TMEM232: variants seen among roughly 807,000 people sequenced by gnomAD.
TMEM232 encodes the protein transmembrane protein 232.
In TMEM232, 80 loss-of-function variants were observed where a neutral mutation model predicts 78.8. That is an observed-to-expected ratio of 1.01 (90% CI 0.85 to 1.22). The LOEUF (loss-of-function observed/expected upper bound fraction) is 1.22. Among genes scored for constraint, TMEM232 ranks in the 50% most tolerant of loss-of-function variants. The pLI is 0.00. For missense variants in TMEM232, 881 were observed against 742.2 expected (o/e 1.19, Z -2.17); for synonymous variants, 297 against 254.3 (o/e 1.17, Z -1.60).
chr5:110,528,844 A>G lies in TMEM232; in HGVS notation c.1456-9T>C, dbSNP rs1254776496. On this transcript the variant is annotated splice_polypyrimidine_tract_variant and intron_variant, in intron 11 of 13. Coordinates refer to ENST00000455884, the MANE Select transcript of TMEM232 (RefSeq NM_001039763.4). ...GGGTCATTTAACTCAGCCTGTTGAA[A>G]GAAAAGAGAAAGGAATCAGTTGAAA... 3 of 1,414,030 alleles carry G rather than the reference A, an allele frequency of 2.1e-6. No homozygotes were observed. The South Asian group carries it at 5.1e-5, about 24-fold the overall frequency. The allele number at this position is 1,414,030 out of a possible 1,614,324, so 87.6% of individuals were successfully genotyped here. A position where few individuals can be genotyped will look rare whatever the true frequency, so the allele number is the denominator to read the frequency against.
intron 1 of TMEM232, among the ~76,000 whole-genome samples, chr5:110,693,515 G>A (rs576322921): frequency 6.6e-6 from 1 of 152,302 alleles, no homozygotes; most frequent in South Asian, 2.1e-4. Context: ...TGAGCTAAAG[G>A]AGGAAGTTCC....
At chr5:110,437,466 T>C (rs541884748) in intron 12 of TMEM232, among the ~76,000 whole-genome samples, 2 of 152,178 alleles carry the variant, frequency 1.3e-5, no homozygotes, top group East Asian at 3.9e-4. Context: ...AGATAGTTGT[T>C]CCTTCTGTAA....
chr5:110,503,280 T>C (rs1333251934), intron 12 of TMEM232, among the ~76,000 whole-genome samples: 2 of 152,194 alleles, frequency 1.3e-5, no homozygotes, highest in African/African-American at 4.8e-5. Flanking sequence ...ACTACATGAT[T>C]GTCTGACAGA....
intron 1 of TMEM232, among the ~76,000 whole-genome samples, chr5:110,692,672 G>A (rs780224023): frequency 6.6e-6 from 1 of 152,216 alleles, no homozygotes; most frequent in Non-Finnish European, 1.5e-5. Flanking sequence ...CTGGCGCAGA[G>A]GGTCTTACAC....
At chr5:110,652,637 A>C (rs1278183501) in intron 2 of TMEM232, among the ~76,000 whole-genome samples, 1 of 152,200 alleles carries the variant, frequency 6.6e-6, no homozygotes, top group African/African-American at 2.4e-5. Context: ...ATGTTAATAA[A>C]TATTTAGTGA....
At chr5:110,466,103 G>A (rs1249202737) in intron 12 of TMEM232, among the ~76,000 whole-genome samples, 3 of 152,086 alleles carry the variant, frequency 2.0e-5, no homozygotes, top group Admixed American at 6.6e-5. Context: ...GGATAGAAAG[G>A]CATTTATGGA....
chr5:110,403,010 CAACAAGA>C (rs1401581449), intron 2 of TMEM232, among the ~76,000 whole-genome samples: 1 of 151,980 alleles, frequency 6.6e-6, no homozygotes, highest in African/African-American at 2.4e-5. Flanking sequence ...AAAAATAAGA[CAACAAGA>C]AATAAGAAAC....
At chr5:110,606,713 T>A (rs969097337) in intron 8 of TMEM232, among the ~76,000 whole-genome samples, 2 of 152,016 alleles carry the variant, frequency 1.3e-5, no homozygotes, top group African/African-American at 4.8e-5. Context: ...GGCCTTCTTC[T>A]AAGATACTCC....
chr5:110,608,456 A>T (rs190924397), intron 8 of TMEM232, among the ~76,000 whole-genome samples: 6,174 of 151,214 alleles, frequency 0.041, 191 homozygotes, highest in Non-Finnish European at 0.058. Flanking sequence ...TATTACGGTC[A>T]ATTAAAAGAG....
At chr5:110,575,793 C>T (rs1394068018) in intron 10 of TMEM232, among the ~76,000 whole-genome samples, 1 of 151,964 alleles carries the variant, frequency 6.6e-6, no homozygotes, top group East Asian at 1.9e-4. Flanking sequence ...TCTTTGCAAC[C>T]CTCAGGTCAG....
At chr5:110,424,197 T>C (rs535469355) in intron 13 of TMEM232, among the ~76,000 whole-genome samples, 7 of 152,270 alleles carry the variant, frequency 4.6e-5, no homozygotes, top group African/African-American at 1.7e-4. Context: ...AGAGATAATA[T>C]TGAACTACTG....
intron 11 of TMEM232, among the ~76,000 whole-genome samples, chr5:110,539,286 AC>A (rs1170727815): frequency 6.6e-6 from 1 of 152,160 alleles, no homozygotes; most frequent in African/African-American, 2.4e-5. Flanking sequence ...GGTATTACTT[AC>A]CCATCGACTC....
chr5:110,657,543 A>C (rs1789252485), intron 2 of TMEM232, among the ~76,000 whole-genome samples: 1 of 152,150 alleles, frequency 6.6e-6, no homozygotes, highest in Non-Finnish European at 1.5e-5. Flanking sequence ...GAATCTTAAA[A>C]AGCTTATTTC....
intron 12 of TMEM232, among the ~76,000 whole-genome samples, chr5:110,433,733 A>G (rs534253247): frequency 2.0e-5 from 2 of 100,046 alleles, no homozygotes; most frequent in Admixed American, 2.3e-4. Context: ...TTCAATGGTT[A>G]TGATCAAATC....
chr5:110,558,575 C>T (rs908416955), intron 11 of TMEM232, among the ~76,000 whole-genome samples: 7 of 152,024 alleles, frequency 4.6e-5, no homozygotes, highest in Non-Finnish European at 1.0e-4. Flanking sequence ...GGGGAGAGGC[C>T]AGCAGACAAG....
chr5:110,507,537 C>G (rs114173831), intron 12 of TMEM232, among the ~76,000 whole-genome samples: 6,224 of 152,262 alleles, frequency 0.041, 198 homozygotes, highest in Non-Finnish European at 0.058. Context: ...AATATGAACA[C>G]AGAATTGGTG....
intron 1 of TMEM232, among the ~76,000 whole-genome samples, chr5:110,683,573 CATT>C (rs1793025694): frequency 6.6e-6 from 1 of 151,810 alleles, no homozygotes; most frequent in African/African-American, 2.4e-5. Context: ...TTATTTTTAT[CATT>C]ATCTATTTTT....
intron 12 of TMEM232, among the ~76,000 whole-genome samples, chr5:110,477,491 T>C (rs1350282424): frequency 6.6e-6 from 1 of 151,966 alleles, no homozygotes; most frequent in Admixed American, 6.6e-5. Context: ...GTAATTATTA[T>C]GTTTTATCTG....
intron 2 of TMEM232, among the ~76,000 whole-genome samples, chr5:110,399,174 C>T (rs963680980): frequency 3.9e-5 from 6 of 151,980 alleles, no homozygotes; most frequent in Non-Finnish European, 8.8e-5. Flanking sequence ...GAGAGGACAA[C>T]TATAAGAAGT....
Sources: allele counts gnomAD v4.1 joint callset (sites outside exome capture counted in the v4.1 genomes callset), GRCh38; gene constraint gnomAD v4.1.1; transcripts MANE v1.5; gene names NCBI Gene and HGNC (gene_info 2026-07-23, HGNC 2026-07-21).